Variants in ANKHD1 observed in about 807,000 individuals in gnomAD.
ANKHD1 encodes ankyrin repeat and KH domain-containing protein 1.
A neutral mutation model predicts 230.5 loss-of-function variants in ANKHD1; 31 were observed. That is an observed-to-expected ratio of 0.13 (90% CI 0.10 to 0.18). The LOEUF is 0.18. ANKHD1 is among the 10% of genes least tolerant of loss of function. ANKHD1 has a pLI of 1.00. For synonymous variants in ANKHD1, 1,074 were observed against 1,117.6 expected, an observed-to-expected ratio of 0.96 and a Z score of 0.78; for missense variants, 2,256 against 3,071.3, an observed-to-expected ratio of 0.73 and a Z score of 6.27.
chr5:140,475,009 T>C (rs1750885340), intron 10 of ANKHD1, among the ~76,000 whole-genome samples: 1 of 152,162 alleles, frequency 6.6e-6, no homozygotes, highest in Admixed American at 6.5e-5. Flanking sequence ...CTAGGAAACT[T>C]CTGTCAATTT....
At chr5:140,414,441 A>G (rs1771188134) in intron 1 of ANKHD1, among the ~76,000 whole-genome samples, 1 of 152,116 alleles carries the variant, frequency 6.6e-6, no homozygotes, top group African/African-American at 2.4e-5. Flanking sequence ...TTATTTCCCT[A>G]ATGATTAGTA....
intron 15 of ANKHD1, 122 bp downstream of exon 15, chr5:140,497,400 T>C (rs777989243): frequency 5.6e-6 from 8 of 1,429,544 alleles, no homozygotes; most frequent in Non-Finnish European, 7.3e-6. Context: ...AAATTACCCA[T>C]TTCTCGAAGT....
intron 1 of ANKHD1, among the ~76,000 whole-genome samples, chr5:140,414,339 T>A (rs1233694548): frequency 1.3e-5 from 2 of 152,232 alleles, no homozygotes; most frequent in African/African-American, 4.8e-5. Flanking sequence ...TTCTAATTTC[T>A]CCATATTCTA....
chr5:140,502,300 G>A (rs1752341738), intron 15 of ANKHD1, among the ~76,000 whole-genome samples: 2 of 152,040 alleles, frequency 1.3e-5, no homozygotes. Context: ...ACTTGCTATG[G>A]AATGTTTCTG....
At chr5:140,441,639 T>C (rs1773856922) in intron 5 of ANKHD1, among the ~76,000 whole-genome samples, 1 of 152,014 alleles carries the variant, frequency 6.6e-6, no homozygotes, top group African/African-American at 2.4e-5. Context: ...GAGAAGTAGG[T>C]AAAAGGATAC....
intron 5 of ANKHD1, among the ~76,000 whole-genome samples, chr5:140,444,217 C>T (rs1401992120): frequency 6.6e-6 from 1 of 151,430 alleles, no homozygotes; most frequent in Non-Finnish European, 1.5e-5. Flanking sequence ...TTCAGACATT[C>T]TTCTCAAACC....
In ANKHD1 at chr5:140,514,174, ACTCT is replaced by A. The variant is rs559261842; in HGVS notation, c.4317+702_4317+705del. Among the ~76,000 whole-genome samples the A allele has an allele frequency of 2.9e-3, 399 of 139,770 alleles. 2 individuals are homozygous for A. The highest frequency in any genetic ancestry group is 0.01 in the African/African-American group (384 of 37,206). The allele number at this position is 139,770 out of a possible 152,430, so 91.7% of individuals were successfully genotyped here. ...AGTCCAGCCTAGGCAACAGATCGAGACTCTCTCTCTATTAAAAAAAAAAAAAAAA... is the reference window on the plus strand; with the variant it reads ...AGTCCAGCCTAGGCAACAGATCGAGACTCTCTATTAAAAAAAAAAAAAAAA... On this transcript the variant is annotated intron_variant, in intron 24 of 33. Transcript: ENST00000360839.
At chr5:140,460,353 A>G (rs142444153) in intron 9 of ANKHD1, among the ~76,000 whole-genome samples, 20 of 152,228 alleles carry the variant, frequency 1.3e-4, no homozygotes, top group African/African-American at 4.3e-4. Flanking sequence ...CGTCTGATAT[A>G]TTATTTAAAA....
intron 14 of ANKHD1, among the ~76,000 whole-genome samples, chr5:140,491,161 T>TATATATATATATATA (rs1403700534): frequency 1.8e-5 from 1 of 54,570 alleles, no homozygotes; most frequent in Non-Finnish European, 3.5e-5. Flanking sequence ...TATATATATA[T>TATATATATATATATA]TTTTTTTTTT....
intron 24 of ANKHD1, among the ~76,000 whole-genome samples, chr5:140,520,503 A>T (rs1410713057): frequency 4.6e-5 from 7 of 152,078 alleles, no homozygotes; most frequent in Non-Finnish European, 2.9e-5. Context: ...GGCATTATTC[A>T]CAATAGCAAA....
intron 1 of ANKHD1, among the ~76,000 whole-genome samples, chr5:140,407,010 C>G (rs1770515603): frequency 6.6e-6 from 1 of 151,892 alleles, no homozygotes; most frequent in African/African-American, 2.4e-5. Flanking sequence ...TTAAAAACCA[C>G]TTTAGGCCTG....
At chr5:140,438,411 CTTTTTT>C in intron 2 of ANKHD1, 44 bp from the exon 3 acceptor site, 1 of 1,272,490 alleles carries the variant, frequency 7.9e-7, no homozygotes, top group East Asian at 2.8e-5. Flanking sequence ...CACTTTTATA[CTTTTTT>C]TTTTGTTGTT....
chr5:140,427,123 G>A (rs866383231), intron 1 of ANKHD1, among the ~76,000 whole-genome samples: 30 of 151,490 alleles, frequency 2.0e-4, no homozygotes, highest in Middle Eastern at 3.4e-3. Context: ...CTTCCCGGAC[G>A]GGGCGGCTGG....
Position 140,535,430 on chromosome 5 carries a change from G to T in ANKHD1, c.6919G>T (p.Gly2307Cys). The T allele has an allele frequency of 6.2e-7, 1 of 1,613,494 alleles. No homozygotes were observed. The highest frequency in any genetic ancestry group is 8.5e-7 in the Non-Finnish European group (1 of 1,179,804). Residue 2307 changes from glycine to cysteine, a missense_variant, in exon 30 of 34, where the codon GGC becomes TGC. Transcript: ENST00000360839. ...SSSAPLASFS[G>C]IPGTRVFLQG... ...TTCTGCTCCTCTGGCAAGTTTTTCC[G>T]GCATACCAGGAACAAGGGTTTTCCT...
intron 7 of ANKHD1, among the ~76,000 whole-genome samples, chr5:140,451,123 G>A (rs536354137): frequency 3.4e-4 from 51 of 152,206 alleles, no homozygotes; most frequent in Non-Finnish European, 6.3e-4. Flanking sequence ...CTGCACTCCA[G>A]CCTGGGTGAC....
intron 11 of ANKHD1, 131 bp from the exon 12 acceptor site, chr5:140,484,990 A>G: frequency 1.5e-6 from 2 of 1,350,172 alleles, no homozygotes; most frequent in South Asian, 3.4e-5. Flanking sequence ...AAAAATTCAA[A>G]CTATACACTT....
intron 10 of ANKHD1, among the ~76,000 whole-genome samples, chr5:140,472,890 A>C (rs1439691032): frequency 6.6e-6 from 1 of 152,142 alleles, no homozygotes; most frequent in African/African-American, 2.4e-5. Context: ...ATTTGTGCCC[A>C]GTGGTTTTAA....
intron 5 of ANKHD1, among the ~76,000 whole-genome samples, chr5:140,444,749 A>G (rs1774143344): frequency 6.6e-6 from 1 of 152,168 alleles, no homozygotes; most frequent in African/African-American, 2.4e-5. Flanking sequence ...AAATTTATAG[A>G]GTTGTACAAT....
At chr5:140,451,769 A>G (rs1774755548) in intron 7 of ANKHD1, among the ~76,000 whole-genome samples, 1 of 152,160 alleles carries the variant, frequency 6.6e-6, no homozygotes, top group Admixed American at 6.5e-5. Context: ...CAACTTCCCA[A>G]AGTGCTGGGG....
Sources: gnomAD v4.1 joint callset for allele counts (sites outside exome capture counted in the v4.1 genomes callset) on GRCh38, gnomAD v4.1.1 for gene constraint, MANE v1.5 for transcripts, NCBI Gene and HGNC (gene_info 2026-07-23, HGNC 2026-07-21) for gene names.